The following GRIK5 variants were observed in gnomAD, a reference collection of about 807,000 sequenced individuals.
GRIK5 encodes the protein glutamate ionotropic receptor kainate type subunit 5.
A neutral mutation model predicts 97.4 loss-of-function variants in GRIK5; 43 were observed. The ratio of observed to expected loss-of-function variants is 0.44; its 90% CI spans 0.35 to 0.57. The LOEUF is 0.57. GRIK5 is among the 20% of genes least tolerant of loss of function. The probability of loss-of-function intolerance (pLI) is 0.01; values close to 1 mark genes in which losing one functional copy is unlikely to be tolerated. For synonymous variants in GRIK5, 580 were observed against 583.5 expected, an observed-to-expected ratio of 0.99 and a Z score of 0.09; for missense variants, 1,015 against 1,382.0, an observed-to-expected ratio of 0.73 and a Z score of 4.21.
chr19:42,048,973 C>T (rs1029081886), intron 11 of GRIK5, among the ~76,000 whole-genome samples: 3 of 148,726 alleles, frequency 2.0e-5, no homozygotes, highest in African/African-American at 7.4e-5. Context: ...GCCTGGAGGT[C>T]GAAGCTGCAG....
At position 42,033,334 on chromosome 19, in the gene GRIK5, A is replaced by C. The variant is rs962544675; in HGVS notation, c.1473+9218T>G. 5.3e-5 allele frequency among the ~76,000 whole-genome samples: 8 copies of C among 151,852 alleles called. No individual in the cohort carries two copies. In the South Asian group the frequency reaches 6.2e-4, roughly 12 times the overall value. On this transcript the variant is annotated intron_variant, in intron 12 of 19. Transcript: ENST00000593562. The stretch of plus-strand genomic sequence containing the variant: ...CTCCGTCTCAAAAAAAAAAAAAAAA[A>C]AAAAACGGAATGCAGTACTGGTATA...
chr19:42,013,449 G>A (rs545672755), intron 15 of GRIK5, among the ~76,000 whole-genome samples: 3 of 117,800 alleles, frequency 2.5e-5, no homozygotes, highest in Admixed American at 1.2e-4. Context: ...TTGCTCTGTC[G>A]CCCAGGCTGG....
intron 12 of GRIK5, among the ~76,000 whole-genome samples, chr19:42,026,865 G>A (rs1403575522): frequency 2.0e-5 from 3 of 152,138 alleles, no homozygotes; most frequent in African/African-American, 7.2e-5. Context: ...ACTGCACCCA[G>A]CCACCTTGTT....
At chr19:42,013,449 G>C (rs545672755) in intron 15 of GRIK5, among the ~76,000 whole-genome samples, 1 of 117,800 alleles carries the variant, frequency 8.5e-6, no homozygotes, top group Non-Finnish European at 1.6e-5. Flanking sequence ...TTGCTCTGTC[G>C]CCCAGGCTGG....
In GRIK5 at chr19:42,054,445, C is replaced by A. The variant is rs776489173; in HGVS notation, c.931G>T (p.Val311Leu). 2.2e-5 allele frequency: 36 copies of A among 1,613,144 alleles called. No individual in the cohort carries two copies. The highest frequency in any genetic ancestry group is 3.0e-5 in the Non-Finnish European group (35 of 1,179,986). The change falls in exon 9 of 20, where the codon GTG becomes TTG. Residue 311 changes from valine (V) to leucine (L), a missense_variant. Val to Leu is a conservative substitution (Grantham distance 32). Coordinates refer to ENST00000593562, the MANE Select transcript of GRIK5 (RefSeq NM_002088.5). ...ALSAALMFDAVHVVVSAVREL... is the reference protein window; with the variant it reads ...ALSAALMFDALHVVVSAVREL... ...CGGACAGCGCTCACCACCACGTGCACGGCGTCAAACATCAGGGCGGCTGAC... is the reference window on the plus strand; with the variant it reads ...CGGACAGCGCTCACCACCACGTGCAAGGCGTCAAACATCAGGGCGGCTGAC...
chr19:42,023,222 G>C (rs1165338878), intron 12 of GRIK5, among the ~76,000 whole-genome samples: 2 of 151,940 alleles, frequency 1.3e-5, no homozygotes, highest in Non-Finnish European at 2.9e-5. Context: ...AGCCGGGTAC[G>C]GGAGAGATGG....
chr19:42,014,015 C>G lies in GRIK5; in HGVS notation c.1872-7205G>C, dbSNP rs998055185. Among the ~76,000 whole-genome samples the G allele has an allele frequency of 3.0e-4, 38 of 128,780 alleles. 1 individual carries two copies. The highest frequency in any genetic ancestry group is 1.0e-3 in the African/African-American group (35 of 33,364). 84.5% of individuals were successfully genotyped at this position (128,780 alleles called of 152,430 possible). ...CTGCACTCCAGTCTGAGTGACAGAA[C>G]AAGACTCCATCTCAAAAAAAAAAAA... On this transcript the variant is annotated intron_variant, in intron 15 of 19. Transcript: ENST00000593562.
At position 42,046,660 on chromosome 19, in the gene GRIK5, GA is replaced by G. The variant is rs2076046899; in HGVS notation, c.1270-3906del. Among the ~76,000 whole-genome samples the G allele has an allele frequency of 2.0e-5, 3 of 152,118 alleles. No homozygotes were observed. In the South Asian group the frequency reaches 6.2e-4, roughly 32 times the overall value. ...CAAGGTCTACAAGATATATTAGGAG[GA>G]AAAAAACAAGCTACAGAACAACGTG... is the stretch of plus-strand genomic sequence containing the variant. On this transcript the variant is annotated intron_variant, in intron 11 of 19. Coordinates refer to ENST00000593562, the MANE Select transcript of GRIK5 (RefSeq NM_002088.5).
At chr19:42,000,322 G>C (rs145030148) in intron 19 of GRIK5, among the ~76,000 whole-genome samples, 1 of 152,220 alleles carries the variant, frequency 6.6e-6, no homozygotes, top group Non-Finnish European at 1.5e-5. Flanking sequence ...ACAATAACCC[G>C]GGCAGGAGAT....
At chr19:42,016,816 A>G (rs1397928234) in intron 15 of GRIK5, among the ~76,000 whole-genome samples, 1 of 152,150 alleles carries the variant, frequency 6.6e-6, no homozygotes, top group East Asian at 1.9e-4. Context: ...TGTTTGGTAA[A>G]GTGTGGGCCA....
chr19:42,051,147 C>T (rs2076110752), intron 11 of GRIK5, among the ~76,000 whole-genome samples: 1 of 152,170 alleles, frequency 6.6e-6, no homozygotes. Flanking sequence ...AGGGAATCCT[C>T]AGGACCACCT....
chr19:42,038,402 C>G (rs2075934905), intron 12 of GRIK5, among the ~76,000 whole-genome samples: 1 of 152,266 alleles, frequency 6.6e-6, no homozygotes, highest in Non-Finnish European at 1.5e-5. Flanking sequence ...CTGGGCCACC[C>G]TGATGGGGTG....
At position 42,022,199 on chromosome 19, in the gene GRIK5, C is replaced by A; in HGVS notation, c.1587+42G>T. The stretch of plus-strand genomic sequence containing the variant: ...GCTCCCACTCGCAGGCCCTGAGCCT[C>A]CATGCCAGGCAAGCAGCCCATGGTC... On this transcript the variant is annotated intron_variant, in intron 13 of 19. Coordinates refer to ENST00000593562, the MANE Select transcript of GRIK5 (RefSeq NM_002088.5). This position sits in a 1 kb window ranked among gnomAD's most constrained non-coding sequence, Gnocchi z 4.2. 1 of 1,524,316 alleles carries A rather than the reference C, an allele frequency of 6.6e-7. No individual in the cohort carries two copies. Among genetic ancestry groups the A allele is most frequent in the Non-Finnish European group, 9.1e-7 (1 of 1,098,940 alleles). 94.4% of individuals were successfully genotyped at this position (1,524,316 alleles called of 1,614,324 possible).
chr19:42,049,081 C>CA (rs1271590313), intron 11 of GRIK5, among the ~76,000 whole-genome samples: 4 of 152,024 alleles, frequency 2.6e-5, no homozygotes, highest in African/African-American at 9.7e-5. Flanking sequence ...CCAATAAACA[C>CA]AAAAAGGTGT....
At chr19:42,025,240 T>C (rs910108368) in intron 12 of GRIK5, among the ~76,000 whole-genome samples, 1 of 152,120 alleles carries the variant, frequency 6.6e-6, no homozygotes, top group African/African-American at 2.4e-5. Context: ...AGCAACCCAA[T>C]GCAGAGGGAC....
chr19:42,036,674 C>T (rs1328752143), intron 12 of GRIK5, among the ~76,000 whole-genome samples: 1 of 152,164 alleles, frequency 6.6e-6, no homozygotes, highest in Non-Finnish European at 1.5e-5. Context: ...CGTCTTCTAT[C>T]AGATGAAGAG....
chr19:42,059,335 G>A lies in GRIK5; in HGVS notation c.687+14C>T. ...GGCCCCAGTCCTTTGGGAAATCAGAGGTAGGGGCCTCACCTTACGGAGGAT... is the reference window on the plus strand; with the variant it reads ...GGCCCCAGTCCTTTGGGAAATCAGAAGTAGGGGCCTCACCTTACGGAGGAT... On this transcript the variant is annotated intron_variant, in intron 6 of 19. Coordinates refer to ENST00000593562, the MANE Select transcript of GRIK5 (RefSeq NM_002088.5). 1 of 1,599,424 alleles carries A rather than the reference G, an allele frequency of 6.3e-7. No individual in the cohort carries two copies. The highest frequency in any genetic ancestry group is 2.2e-5 in the East Asian group (1 of 44,450).
intron 12 of GRIK5, among the ~76,000 whole-genome samples, chr19:42,028,424 G>T (rs1198731771): frequency 6.6e-6 from 1 of 152,214 alleles, no homozygotes; most frequent in Non-Finnish European, 1.5e-5. Flanking sequence ...GGGCGCTAGC[G>T]GGAGGTTGCC....
At chr19:42,012,508 C>T (rs867295313) in intron 15 of GRIK5, among the ~76,000 whole-genome samples, 25 of 152,164 alleles carry the variant, frequency 1.6e-4, no homozygotes, top group African/African-American at 6.0e-4. Context: ...GCATCGGCCT[C>T]CCAAAGTGCT....
Sources: gnomAD v4.1 joint callset for allele counts (sites outside exome capture counted in the v4.1 genomes callset) on GRCh38, gnomAD v4.1.1 for gene constraint, Gnocchi (gnomAD v3.1) non-coding constraint, MANE v1.5 for transcripts, NCBI Gene and HGNC (gene_info 2026-07-23, HGNC 2026-07-21) for gene names.